The following TEX15 variants were observed in gnomAD, a reference collection of about 807,000 sequenced individuals.
TEX15 encodes the protein testis expressed 15, meiosis and synapsis associated.
A neutral mutation model predicts 237.3 loss-of-function variants in TEX15; 171 were observed. The ratio of observed to expected loss-of-function variants is 0.72; its 90% CI spans 0.64 to 0.82. TEX15 has a LOEUF of 0.82. TEX15 is among the 40% of genes least tolerant of loss of function. TEX15 has a pLI of 0.00. For missense variants in TEX15, 3,750 were observed against 3,646.5 expected, an observed-to-expected ratio of 1.03 and a Z score of -0.73; for synonymous variants, 1,338 against 1,269.8, an observed-to-expected ratio of 1.05 and a Z score of -1.14.
In TEX15 at chr8:30,845,207, A is replaced by G; in HGVS notation, c.4960T>C (p.Leu1654=). The part of the protein sequence containing the change: ...KAKTDVLISV[L]DSNVKHFLND... ...AAAAAGTGCTTCACATTTGAATCTA[A>G]GACTGATATAAGTACGTCAGTTTTC... Residue 1654 remains leucine, a synonymous_variant, in exon 8 of 11, where the codon TTA becomes CTA. Transcript: ENST00000643185. The G allele has an allele frequency of 6.2e-7, 1 of 1,613,556 alleles. No individual in the cohort carries two copies. The highest frequency in any genetic ancestry group is 1.3e-5 in the African/African-American group (1 of 75,030).
chr8:30,906,223 C>T (rs1192644511), intron 1 of TEX15, among the ~76,000 whole-genome samples: 1 of 152,080 alleles, frequency 6.6e-6, no homozygotes, highest in Non-Finnish European at 1.5e-5. Flanking sequence ...TCTAACATTC[C>T]TCCATTCTTC....
intron 8 of TEX15, among the ~76,000 whole-genome samples, chr8:30,841,203 A>G (rs1185594310): frequency 1.3e-5 from 2 of 152,198 alleles, no homozygotes; most frequent in Non-Finnish European, 2.9e-5. Flanking sequence ...TACAGGCGTG[A>G]GCTATCGCAC....
At position 30,845,011 on chromosome 8, in the gene TEX15, T is replaced by A; in HGVS notation, c.5156A>T (p.Gln1719Leu). 3.1e-6 allele frequency: 5 copies of A among 1,613,612 alleles called. No homozygotes were observed. The highest frequency in any genetic ancestry group is 4.2e-6 in the Non-Finnish European group (5 of 1,179,546). ...LIASKKYSIP[Q>L]LSAAAVTDSE... is the part of the protein sequence containing the mutation. ...ATCTGTCACTGCAGCGGCTGATAAC[T>A]GAGGAATACTGTACTTTTTACTTGC... The change falls in exon 8 of 11, where the codon CAG (glutamine) becomes CTG (leucine). Residue 1719 changes from glutamine to leucine, a missense_variant. By Grantham distance (113) the Gln-to-Leu change is moderately radical. Coordinates refer to ENST00000643185, the MANE Select transcript of TEX15 (RefSeq NM_001350162.2).
chr8:30,889,503 G>C (rs1808737951), intron 2 of TEX15, among the ~76,000 whole-genome samples: 1 of 152,086 alleles, frequency 6.6e-6, no homozygotes, highest in Non-Finnish European at 1.5e-5. Flanking sequence ...CAGCTATAGG[G>C]TTTCTCTAGC....
At chr8:30,863,198 G>A (rs1250501158) in intron 5 of TEX15, among the ~76,000 whole-genome samples, 2 of 152,114 alleles carry the variant, frequency 1.3e-5, no homozygotes, top group Non-Finnish European at 2.9e-5. Flanking sequence ...TCCCTAATAA[G>A]GAAATCTGAA....
At chr8:30,877,393 C>G (rs1210634431) in intron 3 of TEX15, among the ~76,000 whole-genome samples, 1 of 152,086 alleles carries the variant, frequency 6.6e-6, no homozygotes, top group Non-Finnish European at 1.5e-5. Context: ...ATAAATGAAC[C>G]TAATTAACAA....
At chr8:30,840,196 CACA>C (rs952809357) in intron 8 of TEX15, among the ~76,000 whole-genome samples, 1 of 151,754 alleles carries the variant, frequency 6.6e-6, no homozygotes, top group Non-Finnish European at 1.5e-5. Flanking sequence ...TTCTTATCCT[CACA>C]TCTTTTTTTT....
chr8:30,836,135 A>G (rs1168514900), intron 10 of TEX15, among the ~76,000 whole-genome samples: 1 of 150,812 alleles, frequency 6.6e-6, no homozygotes, highest in Admixed American at 6.6e-5. Context: ...AGGTAAGTTT[A>G]CATGATATAG....
intron 1 of TEX15, among the ~76,000 whole-genome samples, chr8:30,906,618 G>C (rs1198525204): frequency 6.6e-6 from 1 of 150,954 alleles, no homozygotes; most frequent in Non-Finnish European, 1.5e-5. Context: ...AAAAGAGAGA[G>C]AGAACAAGCA....
In TEX15 at chr8:30,847,580, T is replaced by A. The variant is rs770671140; in HGVS notation, c.2587A>T (p.Asn863Tyr). 1.9e-6 allele frequency: 3 copies of A among 1,612,742 alleles called. No homozygotes were observed. The highest frequency in any genetic ancestry group is 2.7e-5 in the African/African-American group (2 of 74,834). The change falls in exon 8 of 11, where the codon AAC becomes TAC. Residue 863 changes from asparagine (N) to tyrosine (Y), a missense_variant. Asn to Tyr is a moderately radical substitution (Grantham distance 143). Transcript: ENST00000643185. ...VNFKKQTDRE[N>Y]QNEAKENSAS... ...CTATTCTCTTTAGCCTCATTTTGGT[T>A]TTCTCTATCTGTTTGTTTTTTGAAA... is the stretch of plus-strand genomic sequence containing the variant.
At chr8:30,884,762 C>G (rs1341166523) in intron 3 of TEX15, among the ~76,000 whole-genome samples, 1 of 151,960 alleles carries the variant, frequency 6.6e-6, no homozygotes, top group Non-Finnish European at 1.5e-5. Context: ...CTTTACTGAT[C>G]TTTTCAAAGA....
chr8:30,901,388 C>T (rs545403513), intron 1 of TEX15, among the ~76,000 whole-genome samples: 12 of 152,050 alleles, frequency 7.9e-5, no homozygotes, highest in Non-Finnish European at 1.8e-4. Context: ...GAAAAAAAGG[C>T]TTACAGAAGA....
intron 5 of TEX15, among the ~76,000 whole-genome samples, chr8:30,863,672 TA>T (rs146781255): frequency 0.012 from 1,725 of 146,660 alleles, 32 homozygotes; most frequent in African/African-American, 0.039. Context: ...CAGCCAGACA[TA>T]AAAAAAAAAT....
chr8:30,898,540 A>G (rs530839723), intron 2 of TEX15, among the ~76,000 whole-genome samples: 1 of 152,216 alleles, frequency 6.6e-6, no homozygotes. Flanking sequence ...TAGTGGCCCG[A>G]GTAGATTAAG....
chr8:30,849,048 T>A lies in TEX15; in HGVS notation c.1119A>T (p.Gln373His). The A allele has an allele frequency of 1.2e-6, 2 of 1,614,136 alleles. No individual in the cohort carries two copies. Among genetic ancestry groups the A allele is most frequent in the Non-Finnish European group, 1.7e-6 (2 of 1,180,012 alleles). The change falls in exon 8 of 11, where the codon CAA becomes CAT. Residue 373 changes from glutamine (Q) to histidine (H), a missense_variant. Physicochemically the swap from Gln to His is conservative, Grantham distance 24. Transcript: ENST00000643185. ...AAATGTCTGAATCATGTGCAAGTAC[T>A]TGAGAAGTGTCTCTAATTTCTGCTA... ...HSLAEIRDTS[Q>H]VLAHDSDISL... is the part of the protein sequence containing the mutation.
At chr8:30,871,203 T>G (rs1808284616) in intron 4 of TEX15, among the ~76,000 whole-genome samples, 1 of 152,042 alleles carries the variant, frequency 6.6e-6, no homozygotes, top group Non-Finnish European at 1.5e-5. Flanking sequence ...CAATCACACC[T>G]GCAAAGTCCT....
At position 30,847,652 on chromosome 8, in the gene TEX15, G is replaced by T; in HGVS notation, c.2515C>A (p.Leu839Met). 1 of 1,613,766 alleles carries T rather than the reference G, an allele frequency of 6.2e-7. No individual in the cohort carries two copies. The highest frequency in any genetic ancestry group is 8.5e-7 in the Non-Finnish European group (1 of 1,179,886). Residue 839 changes from leucine (L) to methionine (M), a missense_variant, in exon 8 of 11, where the codon CTG becomes ATG. Physicochemically the swap from Leu to Met is conservative, Grantham distance 15 (BLOSUM62 2). Transcript: ENST00000643185. Reference sequence around the variant, plus strand: ...TTGCTTAACTGTGAATTACAGAACAGATTGTGATCCTGACCCCTATCTTCA... The same window carrying T: ...TTGCTTAACTGTGAATTACAGAACATATTGTGATCCTGACCCCTATCTTCA... ...YVEDRGQDHN[L>M]FCNSQLSNDI...
chr8:30,906,124 G>A (rs973073902), intron 1 of TEX15, among the ~76,000 whole-genome samples: 17 of 152,200 alleles, frequency 1.1e-4, no homozygotes, highest in Admixed American at 4.6e-4. Context: ...ATGGTAAAGC[G>A]CTATATAAGT....
At chr8:30,840,444 C>T (rs142276671) in intron 8 of TEX15, among the ~76,000 whole-genome samples, 65 of 152,298 alleles carry the variant, frequency 4.3e-4, no homozygotes, top group African/African-American at 1.4e-3. Context: ...GATCCATCTG[C>T]CTCAGCCTCC....
Sources: gnomAD v4.1 joint callset for allele counts (sites outside exome capture counted in the v4.1 genomes callset) on GRCh38, gnomAD v4.1.1 for gene constraint, MANE v1.5 for transcripts, NCBI Gene and HGNC (gene_info 2026-07-23, HGNC 2026-07-21) for gene names.